Variants in MICU1 observed in about 807,000 individuals in gnomAD.
The protein encoded by MICU1 is mitochondrial calcium uptake 1.
MICU1 carries 45 observed loss-of-function variants against 56.8 expected under a neutral mutation model. The observed-to-expected ratio is 0.79, with a 90% confidence interval of 0.62 to 1.02. The LOEUF (loss-of-function observed/expected upper bound fraction) is 1.02, where lower values mean the gene tolerates loss of function less well. Ranked by LOEUF, MICU1 falls within the 50% of genes least tolerant of loss-of-function variation. The probability of loss-of-function intolerance (pLI) is 0.00; values close to 1 mark genes in which losing one functional copy is unlikely to be tolerated. For missense variants in MICU1, 504 were observed against 587.1 expected, an observed-to-expected ratio of 0.86 and a Z score of 1.46; for synonymous variants, 186 against 195.1, an observed-to-expected ratio of 0.95 and a Z score of 0.39.
In MICU1 at chr10:72,584,973, A is replaced by G. The variant is rs560470915; in HGVS notation, c.-1-18179T>C. On this transcript the variant is annotated intron_variant, in intron 1 of 11. Coordinates refer to ENST00000361114, the MANE Select transcript of MICU1 (RefSeq NM_001195518.2). ...CAAGAAAGTATTGACTTGCACAAGG[A>G]AAAGGTCAGGGTGGGTAGAAGCAAA... Among the ~76,000 whole-genome samples the G allele has an allele frequency of 2.0e-5, 3 of 152,314 alleles. No individual in the cohort carries two copies. The South Asian group carries it at 6.2e-4, about 32-fold the overall frequency.
chr10:72,534,369 A>T (rs1839571577), intron 4 of MICU1, among the ~76,000 whole-genome samples: 2 of 152,130 alleles, frequency 1.3e-5, no homozygotes, highest in South Asian at 4.1e-4. Flanking sequence ...GAGGGCAGGG[A>T]TAGTTTTGTC....
chr10:72,569,235 A>ATTTTTTTT (rs1245936809), intron 1 of MICU1, among the ~76,000 whole-genome samples: 1,588 of 42,428 alleles, frequency 0.037, 66 homozygotes, highest in Non-Finnish European at 0.056. Flanking sequence ...ATATATATAT[A>ATTTTTTTT]TATTTTTTTT....
At chr10:72,556,652 C>T (rs944509921) in intron 3 of MICU1, among the ~76,000 whole-genome samples, 2 of 152,046 alleles carry the variant, frequency 1.3e-5, no homozygotes, top group Non-Finnish European at 2.9e-5. Context: ...TAGTAACGTT[C>T]TTAACTGTTG....
chr10:72,399,065 T>C (rs1863361677), intron 10 of MICU1, among the ~76,000 whole-genome samples: 1 of 152,074 alleles, frequency 6.6e-6, no homozygotes, highest in Non-Finnish European at 1.5e-5. Flanking sequence ...GCAAACCAAA[T>C]CCAGCAGCAC....
intron 1 of MICU1, among the ~76,000 whole-genome samples, chr10:72,581,232 A>G (rs1473545137): frequency 2.0e-5 from 3 of 152,210 alleles, no homozygotes; most frequent in Non-Finnish European, 2.9e-5. Flanking sequence ...GCTTTTTTGC[A>G]AAGGGCGTAT....
At chr10:72,462,333 T>C (rs1010917125) in intron 8 of MICU1, among the ~76,000 whole-genome samples, 8 of 151,816 alleles carry the variant, frequency 5.3e-5, no homozygotes, top group Admixed American at 5.3e-4. Context: ...TACTTCCACC[T>C]TATCCTCCCA....
In MICU1 at chr10:72,467,155, C is replaced by T. The variant is rs188676093; in HGVS notation, c.933+7945G>A. 1.5e-3 allele frequency among the ~76,000 whole-genome samples: 226 copies of T among 151,998 alleles called. 2 individuals are homozygous for T. Among genetic ancestry groups the T allele is most frequent in the African/African-American group, 5.1e-3 (210 of 41,490 alleles). ...CTGGGATTACAGGAGTATGCCACCA[C>T]GTCTGACTAATTTTCTGGTTTTTTG... On this transcript the variant is annotated intron_variant, in intron 8 of 11. Transcript: ENST00000361114.
chr10:72,511,625 A>G (rs1589293295), intron 5 of MICU1, among the ~76,000 whole-genome samples: 1 of 152,178 alleles, frequency 6.6e-6, no homozygotes, highest in Non-Finnish European at 1.5e-5. Context: ...AAAAACCACA[A>G]TGGGTCATTA....
chr10:72,433,149 A>G (rs970207572), intron 8 of MICU1, among the ~76,000 whole-genome samples: 1 of 150,728 alleles, frequency 6.6e-6, no homozygotes, highest in Non-Finnish European at 1.5e-5. Context: ...CATGTTGGCC[A>G]GGCTGGTCTT....
chr10:72,520,050 C>T (rs1589302595), intron 5 of MICU1, among the ~76,000 whole-genome samples: 1 of 152,022 alleles, frequency 6.6e-6, no homozygotes, highest in East Asian at 1.9e-4. Context: ...TATCTAAATC[C>T]CTTGAGTAAT....
At chr10:72,463,919 C>T (rs1033415082) in intron 8 of MICU1, among the ~76,000 whole-genome samples, 3 of 152,072 alleles carry the variant, frequency 2.0e-5, no homozygotes, top group Admixed American at 2.0e-4. Flanking sequence ...TCTTTTATAC[C>T]ATATTTTTAC....
At chr10:72,605,081 C>G (rs1841649164) in intron 1 of MICU1, among the ~76,000 whole-genome samples, 1 of 152,128 alleles carries the variant, frequency 6.6e-6, no homozygotes, top group African/African-American at 2.4e-5. Context: ...TCATAAGATA[C>G]AGATCACAAA....
rs570486570 is a variant in MICU1 at position 72,428,474 on chromosome 10, G to C, written c.934-5103C>G. On this transcript the variant is annotated intron_variant, in intron 8 of 11. Coordinates refer to ENST00000361114, the MANE Select transcript of MICU1 (RefSeq NM_001195518.2). ...ATTATAGGCGCTCACCACCATGCCT[G>C]GTTAATTTTTTGTATTTTTGGTAGA... Among the ~76,000 whole-genome samples the C allele has an allele frequency of 1.6e-4, 24 of 152,240 alleles. 1 individual carries two copies. Among genetic ancestry groups the C allele is most frequent in the African/African-American group, 5.8e-4 (24 of 41,520 alleles).
intron 3 of MICU1, 87 bp from the exon 4 acceptor site, chr10:72,551,428 A>G: frequency 1.1e-6 from 1 of 913,982 alleles, no homozygotes; most frequent in African/African-American, 1.7e-5. Context: ...ATCAATTCTC[A>G]TATATTTTCC....
In MICU1 at chr10:72,615,876, C is replaced by G. The variant is rs553359499; in HGVS notation, c.-2+10134G>C. Among the ~76,000 whole-genome samples the G allele has an allele frequency of 1.2e-3, 186 of 152,260 alleles. 1 individual carries two copies. Among genetic ancestry groups the G allele is most frequent in the African/African-American group, 4.0e-3 (168 of 41,548 alleles). On this transcript the variant is annotated intron_variant, in intron 1 of 11. Transcript: ENST00000361114. ...GTGCGGCATGCACCTGTAGTCCCAG[C>G]TACTTGGAAGGCTGAGGCAGGAGAA...
At chr10:72,441,618 T>TC (rs1564870948) in intron 8 of MICU1, among the ~76,000 whole-genome samples, 3 of 138,950 alleles carry the variant, frequency 2.2e-5, no homozygotes, top group Non-Finnish European at 3.2e-5. Context: ...AATTTTTCTT[T>TC]TTTTTTTTTT....
In MICU1 at chr10:72,416,119, T is replaced by A. The variant is rs143833233; in HGVS notation, c.1071+7115A>T. 3.8e-3 allele frequency among the ~76,000 whole-genome samples: 585 copies of A among 152,212 alleles called. 3 individuals carry two copies. Among genetic ancestry groups the A allele is most frequent in the African/African-American group, 0.013 (534 of 41,498 alleles). On this transcript the variant is annotated intron_variant, in intron 9 of 11. Transcript: ENST00000361114. The stretch of plus-strand genomic sequence containing the variant: ...TATTCTACTAAGCTCTGAAGTAGGC[T>A]CTCTTATCTGGAATGTGTAGGATCT...
At chr10:72,434,238 C>T (rs1864637370) in intron 8 of MICU1, among the ~76,000 whole-genome samples, 1 of 152,138 alleles carries the variant, frequency 6.6e-6, no homozygotes, top group Non-Finnish European at 1.5e-5. Context: ...CAAACATTTA[C>T]ATAGCACTTA....
At position 72,502,579 on chromosome 10, in the gene MICU1, G is replaced by C. The variant is rs1867115295; in HGVS notation, c.652+5576C>G. On this transcript the variant is annotated intron_variant, in intron 6 of 11. Transcript: ENST00000361114. ...GGCCCTGCTATCCATCAGAGTAACA[G>C]ATGAATGCATATGCTAATGTACTTT... Among the ~76,000 whole-genome samples, 3 of 152,222 alleles carry C rather than the reference G, an allele frequency of 2.0e-5. 1 individual carries two copies. The South Asian group carries it at 6.2e-4, about 32-fold the overall frequency.
Sources: allele counts gnomAD v4.1 joint callset (sites outside exome capture counted in the v4.1 genomes callset), GRCh38; gene constraint gnomAD v4.1.1; transcripts MANE v1.5; gene names NCBI Gene and HGNC (gene_info 2026-07-23, HGNC 2026-07-21).